The following KIF18A variants were observed in gnomAD, a reference collection of about 807,000 sequenced individuals.
KIF18A encodes the protein kinesin family member 18A.
A neutral mutation model predicts 103.3 loss-of-function variants in KIF18A; 67 were observed. The ratio of observed to expected loss-of-function variants is 0.65; its 90% CI spans 0.53 to 0.79. The LOEUF (loss-of-function observed/expected upper bound fraction) is 0.79, where lower values mean the gene tolerates loss of function less well. KIF18A is among the 30% of genes least tolerant of loss of function. The probability of loss-of-function intolerance (pLI) is 0.00; values close to 1 mark genes in which losing one functional copy is unlikely to be tolerated. For missense variants in KIF18A, 1,032 were observed against 1,062.5 expected, an observed-to-expected ratio of 0.97 and a Z score of 0.40; for synonymous variants, 367 against 355.5, an observed-to-expected ratio of 1.03 and a Z score of -0.36.
chr11:28,033,811 C>T (rs1240238700), intron 15 of KIF18A, among the ~76,000 whole-genome samples: 1 of 151,322 alleles, frequency 6.6e-6, no homozygotes, highest in African/African-American at 2.4e-5. Context: ...AGGGTAACTA[C>T]AGTCAACAAT....
At chr11:28,026,268 A>C (rs1320767239) in intron 15 of KIF18A, among the ~76,000 whole-genome samples, 1 of 151,818 alleles carries the variant, frequency 6.6e-6, no homozygotes, top group Non-Finnish European at 1.5e-5. Context: ...AAAATAAATG[A>C]AATACATATA....
intron 13 of KIF18A, among the ~76,000 whole-genome samples, chr11:28,040,242 T>C (rs1440851676): frequency 6.6e-6 from 1 of 151,590 alleles, no homozygotes; most frequent in African/African-American, 2.4e-5. Flanking sequence ...GAGTGTTGAG[T>C]TGGGGGATCA....
At chr11:28,045,467 C>T (rs1565074599) in intron 13 of KIF18A, among the ~76,000 whole-genome samples, 1 of 151,040 alleles carries the variant, frequency 6.6e-6, no homozygotes, top group African/African-American at 2.4e-5. Context: ...TCAGTATATT[C>T]TTACTTCTAA....
At chr11:28,101,712 A>C (rs543385702) in intron 1 of KIF18A, among the ~76,000 whole-genome samples, 6 of 152,212 alleles carry the variant, frequency 3.9e-5, no homozygotes, top group Non-Finnish European at 5.9e-5. Context: ...TATTAATAAA[A>C]TATTGACACA....
intron 11 of KIF18A, among the ~76,000 whole-genome samples, chr11:28,066,992 A>C (rs1850939399): frequency 6.6e-6 from 1 of 151,792 alleles, no homozygotes; most frequent in African/African-American, 2.4e-5. Context: ...GTAGCACTCC[A>C]CTTAAGCTCA....
chr11:28,107,346 T>C (rs1191932273), intron 1 of KIF18A, among the ~76,000 whole-genome samples: 1 of 151,996 alleles, frequency 6.6e-6, no homozygotes, highest in Non-Finnish European at 1.5e-5. Flanking sequence ...CAGTCTTGGC[T>C]TCTCTGTAAC....
chr11:28,096,063 T>C (rs1241028106), intron 2 of KIF18A, among the ~76,000 whole-genome samples: 1 of 142,480 alleles, frequency 7.0e-6, no homozygotes, highest in Non-Finnish European at 1.5e-5. Flanking sequence ...GAATTACATA[T>C]GGTAAATACC....
intron 13 of KIF18A, among the ~76,000 whole-genome samples, chr11:28,046,739 G>GAAAA (rs11431907): frequency 6.8e-5 from 9 of 131,462 alleles, no homozygotes; most frequent in South Asian, 2.4e-4. Flanking sequence ...GAAATTAAAT[G>GAAAA]AAAAAAAAAA....
At chr11:28,042,644 A>G (rs905313219) in intron 13 of KIF18A, among the ~76,000 whole-genome samples, 1 of 151,934 alleles carries the variant, frequency 6.6e-6, no homozygotes, top group Non-Finnish European at 1.5e-5. Flanking sequence ...GGCTGCTTGA[A>G]GAATTTCTCA....
At chr11:28,054,019 T>A (rs1484567272) in intron 13 of KIF18A, among the ~76,000 whole-genome samples, 1 of 152,080 alleles carries the variant, frequency 6.6e-6, no homozygotes, top group East Asian at 1.9e-4. Context: ...TTTCAAATTT[T>A]GCATAATGGG....
intron 9 of KIF18A, among the ~76,000 whole-genome samples, chr11:28,077,704 GT>G (rs943642077): frequency 1.3e-5 from 2 of 152,130 alleles, no homozygotes; most frequent in Admixed American, 1.3e-4. Context: ...TTCAGAATTT[GT>G]TATAGTGAAA....
rs371463118 is a variant in KIF18A at position 28,041,217 on chromosome 11, A to C, written c.1949-4553T>G. Reference sequence around the variant, plus strand: ...CAGATGACAATAAACAAATAAAATAAATTAGGATGATAAATTAATTGTAAA... The same window carrying C: ...CAGATGACAATAAACAAATAAAATACATTAGGATGATAAATTAATTGTAAA... On this transcript the variant is annotated intron_variant, in intron 13 of 16. Coordinates refer to ENST00000263181, the MANE Select transcript of KIF18A (RefSeq NM_031217.4). Among the ~76,000 whole-genome samples, 11 of 151,956 alleles carry C rather than the reference A, an allele frequency of 7.2e-5. No homozygotes were observed. In the East Asian group the frequency reaches 1.2e-3, roughly 16 times the overall value.
intron 1 of KIF18A, among the ~76,000 whole-genome samples, chr11:28,104,940 G>A (rs1851486828): frequency 6.6e-6 from 1 of 152,148 alleles, no homozygotes; most frequent in Admixed American, 6.5e-5. Context: ...GAAGGTCTGA[G>A]TGAGAGACAG....
chr11:28,054,396 A>G (rs1369086684), intron 13 of KIF18A, among the ~76,000 whole-genome samples: 2 of 152,076 alleles, frequency 1.3e-5, no homozygotes. Context: ...TTTTTTGTAG[A>G]GACAGGGTTT....
At chr11:28,089,644 T>C (rs950515025) in intron 5 of KIF18A, among the ~76,000 whole-genome samples, 2 of 152,192 alleles carry the variant, frequency 1.3e-5, no homozygotes, top group East Asian at 3.8e-4. Flanking sequence ...CACTGTTGTA[T>C]ATGTGGACTG....
intron 1 of KIF18A, among the ~76,000 whole-genome samples, chr11:28,100,435 ACACAGAGGC>A (rs377459170): frequency 1.4e-3 from 210 of 152,100 alleles, no homozygotes; most frequent in African/African-American, 5.0e-3. Flanking sequence ...GGATTTACTA[ACACAGAGGC>A]CATCGAGAAA....
intron 10 of KIF18A, chr11:28,076,373 C>T (rs1590698264): frequency 1.3e-5 from 2 of 152,140 alleles, no homozygotes; most frequent in Non-Finnish European, 2.9e-5. Flanking sequence ...GCTTCTATTG[C>T]TCTACCTTTA....
At chr11:28,075,688 G>C (rs374195603) in intron 10 of KIF18A, among the ~76,000 whole-genome samples, 1 of 152,036 alleles carries the variant, frequency 6.6e-6, no homozygotes, top group South Asian at 2.1e-4. Flanking sequence ...ATCTTGTCTA[G>C]AGTGAATTAT....
chr11:28,091,382 C>T, intron 4 of KIF18A, 27 bp downstream of exon 4: 1 of 1,212,696 alleles, frequency 8.2e-7, no homozygotes, highest in Non-Finnish European at 1.2e-6. Flanking sequence ...GCTATTCTAA[C>T]AGGGAAAAAG....
Sources: gnomAD v4.1 joint callset for allele counts (sites outside exome capture counted in the v4.1 genomes callset) on GRCh38, gnomAD v4.1.1 for gene constraint, MANE v1.5 for transcripts, NCBI Gene and HGNC (gene_info 2026-07-23, HGNC 2026-07-21) for gene names.